Variants in ADGRG7 observed in about 807,000 individuals in gnomAD.
ADGRG7 encodes G-protein coupled receptor 128.
A neutral mutation model predicts 88.6 loss-of-function variants in ADGRG7; 82 were observed. That is an observed-to-expected ratio of 0.93 (90% CI 0.77 to 1.11). ADGRG7 has a LOEUF of 1.11. ADGRG7 is among the 50% of genes most tolerant of loss of function. The pLI, the probability that ADGRG7 is intolerant of heterozygous loss-of-function variation, is 0.00. For synonymous variants in ADGRG7, 381 were observed against 345.2 expected, an observed-to-expected ratio of 1.10 and a Z score of -1.15; for missense variants, 945 against 953.4, an observed-to-expected ratio of 0.99 and a Z score of 0.12.
intron 6 of ADGRG7, among the ~76,000 whole-genome samples, chr3:100,639,986 T>C (rs1707611146): frequency 6.6e-6 from 1 of 152,244 alleles, no homozygotes; most frequent in Admixed American, 6.5e-5. Context: ...AATTATTTTC[T>C]AATAATGTTC....
intron 15 of ADGRG7, among the ~76,000 whole-genome samples, chr3:100,672,125 G>T (rs1309146445): frequency 6.6e-6 from 1 of 152,134 alleles, no homozygotes; most frequent in African/African-American, 2.4e-5. Flanking sequence ...GAATAGTATT[G>T]AATCTATAAA....
chr3:100,616,801 A>C (rs1707232081), intron 1 of ADGRG7, among the ~76,000 whole-genome samples: 1 of 152,202 alleles, frequency 6.6e-6, no homozygotes, highest in South Asian at 2.1e-4. Flanking sequence ...AACCTGGGTG[A>C]CAGAGGGAGA....
rs1383913196 is a variant in ADGRG7, at chr3:100,646,614, T to C, written c.1156T>C (p.Trp386Arg). Residue 386 changes from tryptophan (W) to arginine (R), a missense_variant, in exon 10 of 16, where the codon TGG (tryptophan) becomes CGG (arginine). By Grantham distance (101) the Trp-to-Arg change is moderately radical (BLOSUM62 -3). Coordinates refer to ENST00000273352, the MANE Select transcript of ADGRG7 (RefSeq NM_032787.3). ...FQLYSYACVY[W>R]NLSAKDWDTY... ...ACTCTATTCCTATGCCTGTGTCTATTGGAATTTGTCAGCGAAGGACTGGGA... is the reference window on the plus strand; with the variant it reads ...ACTCTATTCCTATGCCTGTGTCTATCGGAATTTGTCAGCGAAGGACTGGGA... The C allele has an allele frequency of 3.1e-6, 5 of 1,613,992 alleles. No individual in the cohort carries two copies. In the South Asian group the frequency reaches 4.4e-5, roughly 14 times the overall value.
intron 14 of ADGRG7, among the ~76,000 whole-genome samples, chr3:100,665,665 A>G (rs1195587563): frequency 1.3e-5 from 2 of 152,278 alleles, no homozygotes; most frequent in African/African-American, 4.8e-5. Flanking sequence ...TTTACTGAAC[A>G]TAAGTGGTGA....
chr3:100,688,470 G>T (rs1443239783), intron 15 of ADGRG7, among the ~76,000 whole-genome samples: 1 of 152,072 alleles, frequency 6.6e-6, no homozygotes, highest in Admixed American at 6.5e-5. Context: ...TGTGATGTTA[G>T]GGTGTCCATT....
At chr3:100,669,757 G>A (rs1011708956) in intron 15 of ADGRG7, among the ~76,000 whole-genome samples, 5 of 151,654 alleles carry the variant, frequency 3.3e-5, no homozygotes, top group East Asian at 3.9e-4. Flanking sequence ...TTGACTGGCC[G>A]GGCGTGGTGG....
At chr3:100,618,570 T>A (rs187828486) in intron 1 of ADGRG7, among the ~76,000 whole-genome samples, 1 of 152,114 alleles carries the variant, frequency 6.6e-6, no homozygotes, top group African/African-American at 2.4e-5. Context: ...TGTTCCATTG[T>A]TCTATATCTC....
chr3:100,624,537 T>C (rs1230026137), intron 1 of ADGRG7, among the ~76,000 whole-genome samples: 1 of 152,240 alleles, frequency 6.6e-6, no homozygotes, highest in Non-Finnish European at 1.5e-5. Flanking sequence ...CTCTTTAGTT[T>C]AATTAGATCC....
intron 15 of ADGRG7, among the ~76,000 whole-genome samples, chr3:100,676,091 A>G (rs573603712): frequency 2.0e-5 from 3 of 151,496 alleles, no homozygotes; most frequent in East Asian, 3.9e-4. Flanking sequence ...CTTCATTTCA[A>G]TTTCACTTAT....
At chr3:100,657,510 A>G (rs921897251) in intron 13 of ADGRG7, among the ~76,000 whole-genome samples, 2 of 152,292 alleles carry the variant, frequency 1.3e-5, no homozygotes, top group Admixed American at 1.3e-4. Flanking sequence ...AGTTCTCTGT[A>G]CCACTGCTAT....
intron 14 of ADGRG7, among the ~76,000 whole-genome samples, chr3:100,661,894 A>T (rs1193376214): frequency 2.0e-5 from 3 of 152,290 alleles, no homozygotes; most frequent in African/African-American, 7.2e-5. Flanking sequence ...GAAATGTTTG[A>T]AATACATCCT....
At chr3:100,677,354 A>T (rs933613248) in intron 15 of ADGRG7, among the ~76,000 whole-genome samples, 4 of 152,166 alleles carry the variant, frequency 2.6e-5, no homozygotes, top group Non-Finnish European at 5.9e-5. Context: ...GAGAAAACTA[A>T]TAAAAACTCT....
intron 15 of ADGRG7, among the ~76,000 whole-genome samples, chr3:100,674,579 CT>C (rs34582443): frequency 0.47 from 60,234 of 128,160 alleles, 11,821 homozygotes; most frequent in Non-Finnish European, 0.53. Context: ...TTCTTAATTC[CT>C]TTTTTTTTTT....
chr3:100,678,844 G>A (rs941633549), intron 15 of ADGRG7, among the ~76,000 whole-genome samples: 5 of 152,298 alleles, frequency 3.3e-5, no homozygotes, highest in Admixed American at 6.5e-5. Flanking sequence ...TGAGCTAGCC[G>A]AGGGAGGGGG....
At chr3:100,633,488 G>A in intron 4 of ADGRG7, 111 bp downstream of exon 4, 2 of 484,022 alleles carry the variant, frequency 4.1e-6, no homozygotes, top group Admixed American at 4.2e-5. Flanking sequence ...TCTCAAATTA[G>A]TAATAACAAA....
intron 14 of ADGRG7, among the ~76,000 whole-genome samples, chr3:100,668,280 G>T (rs1340596415): frequency 6.6e-6 from 1 of 152,150 alleles, no homozygotes; most frequent in Non-Finnish European, 1.5e-5. Context: ...GTTGGTGTTT[G>T]GTTGGTTTTA....
At chr3:100,646,810 G>C in intron 10 of ADGRG7, 86 bp downstream of exon 10, 2 of 1,111,314 alleles carry the variant, frequency 1.8e-6, no homozygotes, top group East Asian at 4.9e-5. Flanking sequence ...ATAACTTTGG[G>C]ATTTAATTTA....
Position 100,646,096 on chromosome 3 carries a change from C to A in ADGRG7, c.1098C>A (p.Val366=). ...ATCAGAGTGCTTCTGTTGACATGGT[C>A]TTTAGTCCAAAGGTGAGTTTTTCAT... ...EQDQSASVDM[V]FSPKYNQKEF... is the part of the protein sequence containing the mutation. Residue 366 remains valine (V), a synonymous_variant, in exon 9 of 16, where the codon GTC becomes GTA. Transcript: ENST00000273352. 1 of 1,612,116 alleles carries A rather than the reference C, an allele frequency of 6.2e-7. No homozygotes were observed. The highest frequency in any genetic ancestry group is 1.1e-5 in the South Asian group (1 of 90,894).
Position 100,669,039 on chromosome 3 carries a change from G to C in ADGRG7, c.2070G>C (p.Met690Ile). The C allele has an allele frequency of 6.2e-7, 1 of 1,606,328 alleles. No homozygotes were observed. The highest frequency in any genetic ancestry group is 8.5e-7 in the Non-Finnish European group (1 of 1,176,504). The stretch of plus-strand genomic sequence containing the variant: ...TTACCTGGATTCTAGCATACCTGAT[G>C]CTAGTTAATGATGATAGCATCAGGA... Reference protein sequence around the residue: ...FGITWILAYLMLVNDDSIRIV... With the variant: ...FGITWILAYLILVNDDSIRIV... The change falls in exon 15 of 16, where the codon ATG becomes ATC. Residue 690 changes from methionine to isoleucine, a missense_variant. Met to Ile is a conservative substitution (Grantham distance 10). Transcript: ENST00000273352.
Sources: gnomAD v4.1 joint callset for allele counts (sites outside exome capture counted in the v4.1 genomes callset) on GRCh38, gnomAD v4.1.1 for gene constraint, MANE v1.5 for transcripts, NCBI Gene and HGNC (gene_info 2026-07-23, HGNC 2026-07-21) for gene names.